Variants in JAZF1 observed in about 807,000 individuals in gnomAD.
JAZF1 encodes the protein JAZF zinc finger 1.
A neutral mutation model predicts 26.4 loss-of-function variants in JAZF1; 8 were observed. The ratio of observed to expected loss-of-function variants is 0.30; its 90% CI spans 0.18 to 0.55. The LOEUF is 0.55. Ranked by LOEUF, JAZF1 falls within the 20% of genes least tolerant of loss-of-function variation. JAZF1 has a pLI of 0.94. For missense variants in JAZF1, 199 were observed against 322.0 expected, an observed-to-expected ratio of 0.62 and a Z score of 2.92; for synonymous variants, 126 against 122.3, an observed-to-expected ratio of 1.03 and a Z score of -0.20.
chr7:27,877,816 G>A (rs1173599983), intron 3 of JAZF1, among the ~76,000 whole-genome samples: 7 of 152,134 alleles, frequency 4.6e-5, no homozygotes, highest in African/African-American at 1.7e-4. Flanking sequence ...TGGGGATGCA[G>A]TTTCTTCTTC....
At chr7:27,989,525 T>C (rs929747513) in intron 2 of JAZF1, among the ~76,000 whole-genome samples, 2 of 152,140 alleles carry the variant, frequency 1.3e-5, no homozygotes, top group Non-Finnish European at 2.9e-5. Flanking sequence ...ATTTTTACAA[T>C]CTACCCATCT....
chr7:28,060,430 A>G (rs1285901625), intron 1 of JAZF1, among the ~76,000 whole-genome samples: 2 of 152,224 alleles, frequency 1.3e-5, no homozygotes, highest in African/African-American at 4.8e-5. Flanking sequence ...TTTATGGTCA[A>G]ATAAAGAATT....
At chr7:28,083,112 C>T (rs192466994) in intron 1 of JAZF1, among the ~76,000 whole-genome samples, 8 of 152,304 alleles carry the variant, frequency 5.3e-5, no homozygotes, top group African/African-American at 1.9e-4. Context: ...CCATTGCCTT[C>T]CAGCTTTTTG....
chr7:27,918,287 A>C (rs1562528836), intron 2 of JAZF1, among the ~76,000 whole-genome samples: 2 of 152,208 alleles, frequency 1.3e-5, no homozygotes, highest in Non-Finnish European at 2.9e-5. Flanking sequence ...CCCTTTAAAA[A>C]AAATCCTGAT....
In JAZF1 at chr7:27,889,697, T is replaced by A. The variant is rs62451083; in HGVS notation, c.385+5523A>T. Among the ~76,000 whole-genome samples, 217 of 151,928 alleles carry A rather than the reference T, an allele frequency of 1.4e-3. 1 individual carries two copies. Among genetic ancestry groups the A allele is most frequent in the African/African-American group, 4.9e-3 (204 of 41,420 alleles). On this transcript the variant is annotated intron_variant, in intron 3 of 4. Transcript: ENST00000283928. Reference sequence around the variant, plus strand: ...CTGTAATCCCAGCACCTTGGGAGGCTGAGGCAGGAGGATCACTAGAGGTCA... The same window carrying A: ...CTGTAATCCCAGCACCTTGGGAGGCAGAGGCAGGAGGATCACTAGAGGTCA...
At chr7:27,981,352 C>A (rs979015063) in intron 2 of JAZF1, among the ~76,000 whole-genome samples, 1 of 152,142 alleles carries the variant, frequency 6.6e-6, no homozygotes, top group African/African-American at 2.4e-5. Flanking sequence ...GGACAACAAG[C>A]CTATCTCTTC....
At chr7:28,099,665 G>A (rs559463739) in intron 1 of JAZF1, among the ~76,000 whole-genome samples, 3 of 151,986 alleles carry the variant, frequency 2.0e-5, no homozygotes, top group East Asian at 1.9e-4. Context: ...TAATACAGAC[G>A]GGATTTCTCC....
chr7:27,968,361 GA>G (rs1206344546), intron 2 of JAZF1, among the ~76,000 whole-genome samples: 4 of 151,940 alleles, frequency 2.6e-5, no homozygotes, highest in African/African-American at 9.6e-5. Flanking sequence ...CTTGAAGATG[GA>G]AAAAAAATGC....
At chr7:28,007,339 T>G (rs920407443) in intron 1 of JAZF1, among the ~76,000 whole-genome samples, 2 of 151,814 alleles carry the variant, frequency 1.3e-5, no homozygotes, top group Non-Finnish European at 2.9e-5. Context: ...TGTGGTGAGG[T>G]GGGAGGATCA....
intron 1 of JAZF1, among the ~76,000 whole-genome samples, chr7:28,005,097 G>T (rs1269448273): frequency 6.6e-6 from 1 of 152,146 alleles, no homozygotes; most frequent in Admixed American, 6.5e-5. Flanking sequence ...TCTTTGAATT[G>T]TGATATGGTT....
intron 1 of JAZF1, 66 bp downstream of exon 1, chr7:28,180,397 G>A: frequency 8.7e-7 from 1 of 1,146,248 alleles, no homozygotes; most frequent in Non-Finnish European, 1.2e-6. Flanking sequence ...TGGCCATTCC[G>A]GGGCTCCCCG....
chr7:27,936,028 G>A (rs749417739), intron 2 of JAZF1, among the ~76,000 whole-genome samples: 2 of 152,188 alleles, frequency 1.3e-5, no homozygotes, highest in East Asian at 1.9e-4. Flanking sequence ...CCCTGGTTCC[G>A]CTTTCCATGC....
intron 2 of JAZF1, among the ~76,000 whole-genome samples, chr7:27,907,285 A>G (rs1418499073): frequency 6.6e-6 from 1 of 152,214 alleles, no homozygotes; most frequent in East Asian, 1.9e-4. Context: ...ATGCATGAAA[A>G]GCCCTTGGCT....
At chr7:27,870,250 T>C (rs921703392) in intron 3 of JAZF1, among the ~76,000 whole-genome samples, 2 of 151,872 alleles carry the variant, frequency 1.3e-5, no homozygotes, top group African/African-American at 4.8e-5. Context: ...AAAGCCCCCA[T>C]AAGCTCATTT....
At chr7:28,106,017 C>T (rs993782355) in intron 1 of JAZF1, among the ~76,000 whole-genome samples, 1 of 152,164 alleles carries the variant, frequency 6.6e-6, no homozygotes. Context: ...GGCAAGCTCA[C>T]GATCGGTTCT....
At chr7:28,115,038 G>GTCTC in intron 1 of JAZF1, among the ~76,000 whole-genome samples, 1 of 152,260 alleles carries the variant, frequency 6.6e-6, no homozygotes, top group Admixed American at 6.5e-5. Flanking sequence ...TTTACAAAGG[G>GTCTC]TCTCTGTAGG....
At chr7:27,835,651 G>A (rs969404719) in intron 4 of JAZF1, among the ~76,000 whole-genome samples, 9 of 152,116 alleles carry the variant, frequency 5.9e-5, no homozygotes, top group Middle Eastern at 3.2e-3. Flanking sequence ...TGCCCTTATC[G>A]CAAATGTTAG....
intron 3 of JAZF1, among the ~76,000 whole-genome samples, chr7:27,863,434 T>A (rs558916222): frequency 1.3e-5 from 2 of 152,288 alleles, no homozygotes; most frequent in Non-Finnish European, 1.5e-5. Context: ...TCAGGTCATG[T>A]CAGCTCAAAT....
intron 1 of JAZF1, among the ~76,000 whole-genome samples, chr7:28,070,516 A>C (rs1783959366): frequency 6.6e-6 from 1 of 152,250 alleles, no homozygotes; most frequent in South Asian, 2.1e-4. Flanking sequence ...ATGTTTCTGC[A>C]AAATTTTCCA....
Sources: gnomAD v4.1 joint callset for allele counts (sites outside exome capture counted in the v4.1 genomes callset) on GRCh38, gnomAD v4.1.1 for gene constraint, MANE v1.5 for transcripts, NCBI Gene and HGNC (gene_info 2026-07-23, HGNC 2026-07-21) for gene names.